Variants in RIMS2 observed in about 807,000 individuals in gnomAD.
RIMS2 encodes regulating synaptic membrane exocytosis protein 2.
In RIMS2, 59 loss-of-function variants were observed where a neutral mutation model predicts 174.4. The ratio of observed to expected loss-of-function variants is 0.34; its 90% confidence interval spans 0.27 to 0.42. The LOEUF (loss-of-function observed/expected upper bound fraction) is 0.42. Among genes scored for constraint, RIMS2 ranks in the 10% least tolerant of loss-of-function variants. The pLI, the probability that RIMS2 is intolerant of heterozygous loss-of-function variation, is 1.00. For synonymous variants in RIMS2, 606 were observed against 572.5 expected, an observed-to-expected ratio of 1.06 and a Z score of -0.84; for missense variants, 1,620 against 1,666.3, an observed-to-expected ratio of 0.97 and a Z score of 0.48.
intron 19 of RIMS2, among the ~76,000 whole-genome samples, chr8:104,118,659 G>A (rs989518285): frequency 6.6e-6 from 1 of 151,924 alleles, no homozygotes; most frequent in Non-Finnish European, 1.5e-5. Flanking sequence ...ATGAGCCACC[G>A]GGCCCGACCA....
chr8:103,735,753 A>C (rs1463348472), intron 2 of RIMS2, among the ~76,000 whole-genome samples: 1 of 152,160 alleles, frequency 6.6e-6, no homozygotes, highest in African/African-American at 2.4e-5. Context: ...CAAATTATAA[A>C]CCTGTGTGTG....
At chr8:103,950,889 A>G (rs1327491983) in intron 14 of RIMS2, among the ~76,000 whole-genome samples, 3 of 152,236 alleles carry the variant, frequency 2.0e-5, no homozygotes, top group African/African-American at 7.2e-5. Context: ...CTATACAAAA[A>G]CTATTATAAG....
intron 1 of RIMS2, among the ~76,000 whole-genome samples, chr8:103,628,802 TA>T (rs1369145117): frequency 2.9e-5 from 4 of 138,560 alleles, no homozygotes; most frequent in Admixed American, 7.3e-5. Context: ...TGTCTCTAGC[TA>T]AAGGACCAGA....
intron 3 of RIMS2, among the ~76,000 whole-genome samples, chr8:103,871,492 C>T (rs1212533576): frequency 6.6e-6 from 1 of 151,526 alleles, no homozygotes; most frequent in Non-Finnish European, 1.5e-5. Flanking sequence ...GTTATATATT[C>T]TAGTGCCATC....
chr8:103,556,243 T>C (rs1850396144), intron 1 of RIMS2, among the ~76,000 whole-genome samples: 1 of 152,190 alleles, frequency 6.6e-6, no homozygotes, highest in Non-Finnish European at 1.5e-5. Context: ...GTTTTATATA[T>C]TGATTTAGTC....
exon 4 of RIMS2, chr8:103,886,114 T>C: frequency 6.2e-7 from 1 of 1,613,012 alleles, no homozygotes; most frequent in Non-Finnish European, 8.5e-7. Context: ...AGAAAGGCGG[T>C]AAAATGCGCC....
chr8:103,532,990 G>C (rs1255172997), intron 1 of RIMS2, among the ~76,000 whole-genome samples: 1 of 152,152 alleles, frequency 6.6e-6, no homozygotes, highest in African/African-American at 2.4e-5. Flanking sequence ...TATACTAAAG[G>C]AATATAATAT....
At chr8:103,752,675 A>G (rs1046778102) in intron 2 of RIMS2, among the ~76,000 whole-genome samples, 1 of 151,960 alleles carries the variant, frequency 6.6e-6, no homozygotes, top group Non-Finnish European at 1.5e-5. Flanking sequence ...ATTCCTAGGT[A>G]TTTTATTCTC....
intron 1 of RIMS2, among the ~76,000 whole-genome samples, chr8:103,550,352 G>T (rs1847167301): frequency 1.3e-5 from 2 of 152,026 alleles, no homozygotes; most frequent in African/African-American, 4.8e-5. Flanking sequence ...GTCCTGAATG[G>T]CCCCTGGGTA....
At chr8:104,211,335 T>C (rs372730390) in intron 19 of RIMS2, among the ~76,000 whole-genome samples, 62 of 152,252 alleles carry the variant, frequency 4.1e-4, no homozygotes, top group African/African-American at 1.4e-3. Context: ...AAAGGCCTTA[T>C]AGGAATGGGA....
At chr8:103,784,835 A>G (rs1240823817) in intron 3 of RIMS2, among the ~76,000 whole-genome samples, 1 of 113,748 alleles carries the variant, frequency 8.8e-6, no homozygotes, top group African/African-American at 3.6e-5. Flanking sequence ...TGGGGATGGC[A>G]TTGAATCTGT....
rs546284567 is a variant in RIMS2 at position 103,668,758 on chromosome 8, G to A, written c.177-28328G>A. Reference sequence around the variant, plus strand: ...TGTGGTGGCACAGTTGTAGCTCAGTGTAGCCTTGAACTCCCGGGCTCAAGC... The same window carrying A: ...TGTGGTGGCACAGTTGTAGCTCAGTATAGCCTTGAACTCCCGGGCTCAAGC... On this transcript the variant is annotated intron_variant, in intron 1 of 23. Coordinates refer to ENST00000504942, the Ensembl canonical transcript of RIMS2. Among the ~76,000 whole-genome samples, 13 of 152,022 alleles carry A rather than the reference G, an allele frequency of 8.6e-5. No individual in the cohort carries two copies. In the East Asian group the frequency reaches 9.7e-4, roughly 11 times the overall value.
At chr8:103,546,983 A>G (rs1040275001) in intron 1 of RIMS2, among the ~76,000 whole-genome samples, 3 of 120,640 alleles carry the variant, frequency 2.5e-5, no homozygotes, top group Admixed American at 7.9e-5. Flanking sequence ...TCACTGAGAC[A>G]TCCTAGCTAA....
At chr8:104,033,394 T>G (rs1453560147) in intron 19 of RIMS2, among the ~76,000 whole-genome samples, 1 of 152,046 alleles carries the variant, frequency 6.6e-6, no homozygotes, top group Non-Finnish European at 1.5e-5. Context: ...AAGCTATTAT[T>G]TATTTGTTGT....
At chr8:103,946,475 G>T (rs1173972657) in intron 14 of RIMS2, among the ~76,000 whole-genome samples, 2 of 152,092 alleles carry the variant, frequency 1.3e-5, no homozygotes, top group Non-Finnish European at 2.9e-5. Flanking sequence ...CTGGGTGAGA[G>T]AGCGAGACTC....
At chr8:103,623,478 GTTTTTTTTTT>G (rs71575976) in intron 1 of RIMS2, among the ~76,000 whole-genome samples, 4 of 83,238 alleles carry the variant, frequency 4.8e-5, no homozygotes, top group Non-Finnish European at 8.6e-5. Flanking sequence ...GGTTTCTTCA[GTTTTTTTTTT>G]TTTTTTTTTT....
chr8:103,553,955 G>A (rs59639431), intron 1 of RIMS2, among the ~76,000 whole-genome samples: 1 of 76,438 alleles, frequency 1.3e-5, no homozygotes, highest in South Asian at 3.1e-4. Context: ...GTGGGAAAAG[G>A]ACCCCCGTTC....
intron 19 of RIMS2, among the ~76,000 whole-genome samples, chr8:104,159,331 A>G (rs1467240674): frequency 2.0e-5 from 3 of 152,326 alleles, no homozygotes; most frequent in Admixed American, 6.5e-5. Flanking sequence ...AAGTAGCATT[A>G]TGCCTCCAGC....
chr8:103,568,536 T>C lies in RIMS2; in HGVS notation c.176+67474T>C, dbSNP rs1037842157. On this transcript the variant is annotated intron_variant, in intron 1 of 23. Coordinates refer to ENST00000504942, the Ensembl canonical transcript of RIMS2. ...CAATCCTTTTCTCAGCCACATAGTA[T>C]TCACTGGTGCTATAAGTCTGGAAGA... 5.9e-5 allele frequency: 25 copies of C among 422,592 alleles called. 1 individual carries two copies. The highest frequency in any genetic ancestry group is 3.2e-4 in the South Asian group (14 of 43,552). 26.2% of individuals were successfully genotyped at this position (422,592 alleles called of 1,614,324 possible).
Sources: gnomAD v4.1 joint callset for allele counts (sites outside exome capture counted in the v4.1 genomes callset) on GRCh38, gnomAD v4.1.1 for gene constraint, MANE v1.5 for transcripts, NCBI Gene and HGNC (gene_info 2026-07-23, HGNC 2026-07-21) for gene names.